The following CKLF variants were observed in gnomAD, a reference collection of about 807,000 sequenced individuals.
CKLF encodes chemokine like factor.
Under a neutral mutation model 12.9 loss-of-function variants are expected in CKLF, and 16 were observed. The ratio of observed to expected loss-of-function variants is 1.24; its 90% CI spans 0.84 to 1.88. CKLF has a LOEUF of 1.88. Ranked by LOEUF, CKLF falls within the 40% of genes most tolerant of loss-of-function variation. The probability of loss-of-function intolerance (pLI) is 0.00; values close to 1 mark genes in which losing one functional copy is unlikely to be tolerated. For synonymous variants in CKLF, 61 were observed against 69.0 expected (o/e 0.88, Z 0.57); for missense variants, 172 against 188.5 (o/e 0.91, Z 0.51).
At chr16:66,557,292 C>T (rs572084990) in intron 1 of CKLF, among the ~76,000 whole-genome samples, 4 of 152,090 alleles carry the variant, frequency 2.6e-5, no homozygotes, top group East Asian at 1.9e-4. Flanking sequence ...CTCAGCCACC[C>T]GAGTAGCTGG....
intron 1 of CKLF, among the ~76,000 whole-genome samples, chr16:66,555,934 A>C (rs982522235): frequency 6.6e-6 from 1 of 152,138 alleles, no homozygotes; most frequent in African/African-American, 2.4e-5. Flanking sequence ...GATAAGGTAG[A>C]TTGTGGTACC....
chr16:66,560,131 G>A (rs1458709343), intron 2 of CKLF, among the ~76,000 whole-genome samples: 1 of 152,186 alleles, frequency 6.6e-6, no homozygotes, highest in African/African-American at 2.4e-5. Context: ...GTAGTTAGCA[G>A]ATGACTGATA....
rs1965849815 is a variant in CKLF at position 66,552,663 on chromosome 16, C to A, written c.-53C>A. On this transcript the variant is annotated 5_prime_UTR_variant, in exon 1 of 4. Transcript: ENST00000264001. ...TATCGCTTCGCAGAACCTACTCAGG[C>A]AGCCAGCTGAGAAGAGTTGAGGGAA... The A allele has an allele frequency of 1.2e-6, 2 of 1,612,684 alleles. No individual in the cohort carries two copies. Among genetic ancestry groups the A allele is most frequent in the African/African-American group, 1.3e-5 (1 of 74,928 alleles).
chr16:66,561,266 C>T (rs953008889), intron 2 of CKLF, among the ~76,000 whole-genome samples: 3 of 151,782 alleles, frequency 2.0e-5, no homozygotes, highest in African/African-American at 7.3e-5. Flanking sequence ...ATTGTTCCCC[C>T]CCGAGAGCCC....
chr16:66,565,868 A>G lies in CKLF; in HGVS notation c.334-18A>G, dbSNP rs2012232451. The G allele has an allele frequency of 2.5e-6, 4 of 1,613,208 alleles. No individual in the cohort carries two copies. The highest frequency in any genetic ancestry group is 3.4e-6 in the Non-Finnish European group (4 of 1,179,610). On this transcript the variant is annotated intron_variant, in intron 3 of 3. Coordinates refer to ENST00000264001, the MANE Select transcript of CKLF (RefSeq NM_016951.4). ...TGGGGACCATGGTTAGGGCAGTGAC[A>G]CTTGTCTTTCTTTCCAGGTGTTTGC...
chr16:66,560,200 G>A (rs1490118478), intron 2 of CKLF, among the ~76,000 whole-genome samples: 1 of 152,174 alleles, frequency 6.6e-6, no homozygotes, highest in Non-Finnish European at 1.5e-5. Context: ...GGGTCTAGGT[G>A]GAGAAAGAGC....
chr16:66,565,817 C>T (rs1335997670), intron 3 of CKLF, 69 bp from the exon 4 acceptor site: 13 of 1,502,206 alleles, frequency 8.7e-6, no homozygotes, highest in Admixed American at 1.7e-5. Context: ...GGGCAGACCA[C>T]TTAAAACTTG....
At chr16:66,553,241 C>A (rs1422495821) in intron 1 of CKLF, among the ~76,000 whole-genome samples, 1 of 151,796 alleles carries the variant, frequency 6.6e-6, no homozygotes, top group Non-Finnish European at 1.5e-5. Context: ...ACCCACAAAC[C>A]GGGTACCCAG....
intron 2 of CKLF, 92 bp from the exon 3 acceptor site, chr16:66,563,030 T>TTTG: frequency 6.8e-7 from 1 of 1,477,704 alleles, no homozygotes. Context: ...GACTTTGTTT[T>TTTG]TTGTTGTTGT....
intron 2 of CKLF, among the ~76,000 whole-genome samples, chr16:66,559,275 C>A (rs1403265787): frequency 6.6e-6 from 1 of 152,210 alleles, no homozygotes; most frequent in Non-Finnish European, 1.5e-5. Context: ...TTAAATGGTA[C>A]CTTCTGGAAC....
chr16:66,553,760 C>A (rs1372930537), intron 1 of CKLF, among the ~76,000 whole-genome samples: 1 of 152,120 alleles, frequency 6.6e-6, no homozygotes, highest in East Asian at 1.9e-4. Flanking sequence ...CTTGGGAAGG[C>A]AGTACATTCC....
At chr16:66,552,861 G>A in intron 1 of CKLF, 68 bp downstream of exon 1, 2 of 1,609,416 alleles carry the variant, frequency 1.2e-6, no homozygotes, top group South Asian at 1.1e-5. Flanking sequence ...TGGGTGTGAA[G>A]TGCAAAGCTG....
At chr16:66,563,444 C>T (rs927011935) in intron 3 of CKLF, among the ~76,000 whole-genome samples, 1 of 152,098 alleles carries the variant, frequency 6.6e-6, no homozygotes, top group African/African-American at 2.4e-5. Context: ...AAAGGGGTTC[C>T]TACAGATTTC....
intron 3 of CKLF, among the ~76,000 whole-genome samples, chr16:66,565,174 A>G (rs1212815981): frequency 6.6e-6 from 1 of 152,162 alleles, no homozygotes; most frequent in Non-Finnish European, 1.5e-5. Context: ...TGTGAGAGCC[A>G]TGTCTGGAGC....
rs1005463525 is a variant in CKLF, at chr16:66,563,981, T to C, written c.333+764T>C. On this transcript the variant is annotated intron_variant, in intron 3 of 3. Transcript: ENST00000264001. The stretch of plus-strand genomic sequence containing the variant: ...GGTCACTTAGGAGAACTCTCAGCCA[T>C]ATATGTCAGAAGCCATGATTTTCAT... Among the ~76,000 whole-genome samples, 6 of 152,224 alleles carry C rather than the reference T, an allele frequency of 3.9e-5. 1 individual carries two copies. Among genetic ancestry groups the C allele is most frequent in the Non-Finnish European group, 8.8e-5 (6 of 68,034 alleles).
intron 1 of CKLF, chr16:66,553,576 T>C (rs2011283026): frequency 6.6e-6 from 1 of 152,216 alleles, no homozygotes; most frequent in African/African-American, 2.4e-5. Context: ...AAACTCATCA[T>C]TGGAGGAATT....
At chr16:66,556,857 A>C (rs1250666341) in intron 1 of CKLF, among the ~76,000 whole-genome samples, 2 of 152,230 alleles carry the variant, frequency 1.3e-5, no homozygotes, top group Non-Finnish European at 2.9e-5. Context: ...TTACCAGCTG[A>C]CAGGATATTT....
intron 1 of CKLF, among the ~76,000 whole-genome samples, chr16:66,556,994 T>G (rs1162675635): frequency 6.6e-6 from 1 of 152,200 alleles, no homozygotes; most frequent in Non-Finnish European, 1.5e-5. Flanking sequence ...TTTTTTCACT[T>G]AACATTGCCA....
chr16:66,564,887 C>T (rs1045605883), intron 3 of CKLF, among the ~76,000 whole-genome samples: 3 of 152,136 alleles, frequency 2.0e-5, no homozygotes, highest in Admixed American at 6.5e-5. Context: ...GTGTGAGCCC[C>T]GTCCTCAAGT....
Sources: allele counts gnomAD v4.1 joint callset (sites outside exome capture counted in the v4.1 genomes callset), GRCh38; gene constraint gnomAD v4.1.1; transcripts MANE v1.5; gene names NCBI Gene and HGNC (gene_info 2026-07-23, HGNC 2026-07-21).